TMEM273: variants seen among roughly 807,000 people sequenced by gnomAD.
TMEM273 encodes transmembrane protein 273.
A neutral mutation model predicts 17.9 loss-of-function variants in TMEM273; 19 were observed. The ratio of observed to expected loss-of-function variants is 1.06; its 90% CI spans 0.74 to 1.55. The LOEUF is 1.55. TMEM273 is among the 40% of genes most tolerant of loss of function. The pLI is 0.00. For synonymous variants in TMEM273, 66 were observed against 62.0 expected, an observed-to-expected ratio of 1.07 and a Z score of -0.31; for missense variants, 194 against 155.6, an observed-to-expected ratio of 1.25 and a Z score of -1.31.
intron 5 of TMEM273, among the ~76,000 whole-genome samples, chr10:49,164,896 G>C (rs1042833293): frequency 6.6e-5 from 10 of 152,060 alleles, no homozygotes; most frequent in Non-Finnish European, 1.3e-4. Context: ...CCTGTAGACT[G>C]GGGGAGATTG....
intron 5 of TMEM273, among the ~76,000 whole-genome samples, 184 bp downstream of exon 5, chr10:49,165,021 G>A (rs1372822685): frequency 6.6e-6 from 1 of 152,186 alleles, no homozygotes; most frequent in Non-Finnish European, 1.5e-5. Context: ...ACTGTGCTAA[G>A]TGCTGTGCTA....
intron 1 of TMEM273, among the ~76,000 whole-genome samples, chr10:49,177,646 G>A (rs1222720947): frequency 6.6e-6 from 1 of 152,214 alleles, no homozygotes. Context: ...CATGGAGGGT[G>A]AACAGTCATT....
At chr10:49,160,144 A>G (rs528123081) in intron 6 of TMEM273, among the ~76,000 whole-genome samples, 6 of 152,370 alleles carry the variant, frequency 3.9e-5, no homozygotes, top group African/African-American at 1.4e-4. Flanking sequence ...ATGAATAGGT[A>G]TAAAATCATT....
chr10:49,178,603 C>G (rs534526266), intron 1 of TMEM273, among the ~76,000 whole-genome samples: 1 of 152,158 alleles, frequency 6.6e-6, no homozygotes, highest in East Asian at 1.9e-4. Flanking sequence ...ATAGTAAACA[C>G]TTTAGTACTT....
intron 1 of TMEM273, 29 bp downstream of exon 1, chr10:49,188,265 G>A (rs202214848): frequency 1.1e-4 from 172 of 1,613,464 alleles, no homozygotes; most frequent in Non-Finnish European, 1.5e-5. Flanking sequence ...GGCTCCCCCG[G>A]GCCAGAGACC....
intron 1 of TMEM273, among the ~76,000 whole-genome samples, chr10:49,171,287 C>T (rs1035282425): frequency 6.6e-6 from 1 of 151,486 alleles, no homozygotes; most frequent in African/African-American, 2.4e-5. Context: ...TGACCACCTC[C>T]CTTGAACTGT....
intron 6 of TMEM273, 107 bp from the exon 7 acceptor site, chr10:49,156,016 T>A: frequency 1.3e-6 from 2 of 1,599,754 alleles, no homozygotes; most frequent in East Asian, 2.2e-5. Context: ...TAAAAGCTCA[T>A]CAGCAAAGCC....
intron 1 of TMEM273, 94 bp from the exon 2 acceptor site, chr10:49,168,056 T>G: frequency 6.7e-7 from 1 of 1,481,698 alleles, no homozygotes; most frequent in Non-Finnish European, 9.4e-7. Context: ...CTACCCCATG[T>G]ACCCACCAGG....
At chr10:49,172,679 C>G (rs953397882) in intron 1 of TMEM273, among the ~76,000 whole-genome samples, 2 of 152,232 alleles carry the variant, frequency 1.3e-5, no homozygotes, top group African/African-American at 4.8e-5. Context: ...TTGGACCAGA[C>G]ACAGCACGGC....
rs574582575 is a variant in TMEM273 at position 49,159,226 on chromosome 10, T to C, written c.372+2373A>G. ...GATTAAAACAGGAAATAGTAAAATA[T>C]AATACACACTAAAACAAGTGTTTCT... is the stretch of plus-strand genomic sequence containing the variant. On this transcript the variant is annotated intron_variant, in intron 6 of 6. Coordinates refer to ENST00000374153, the MANE Select transcript of TMEM273 (RefSeq NM_001288740.3). 2.4e-4 allele frequency among the ~76,000 whole-genome samples: 37 copies of C among 152,228 alleles called. 1 individual carries two copies. The South Asian group carries it at 7.5e-3, about 31-fold the overall frequency.
At chr10:49,183,377 G>GTGTGTT (rs386371319) in intron 1 of TMEM273, among the ~76,000 whole-genome samples, 1 of 151,512 alleles carries the variant, frequency 6.6e-6, no homozygotes, top group East Asian at 1.9e-4. Context: ...GTGTGTGTGT[G>GTGTGTT]TATAGAGAGA....
intron 1 of TMEM273, among the ~76,000 whole-genome samples, chr10:49,172,720 G>T (rs1846659045): frequency 6.6e-6 from 1 of 152,206 alleles, no homozygotes. Context: ...TGCACACAGA[G>T]CATGGCTGGG....
intron 1 of TMEM273, among the ~76,000 whole-genome samples, chr10:49,173,957 C>T (rs923561530): frequency 9.9e-5 from 15 of 152,172 alleles, no homozygotes; most frequent in Non-Finnish European, 1.9e-4. Flanking sequence ...GCCCAGCTGG[C>T]ACACACTTTT....
chr10:49,181,017 G>A (rs934446074), intron 1 of TMEM273, among the ~76,000 whole-genome samples: 4 of 152,168 alleles, frequency 2.6e-5, no homozygotes, highest in Admixed American at 2.0e-4. Flanking sequence ...AGAAAATCTC[G>A]AGAGATCTGA....
In TMEM273 at chr10:49,158,287, A is replaced by G. The variant is rs565827176; in HGVS notation, c.373-2378T>C. 1.1e-4 allele frequency among the ~76,000 whole-genome samples: 17 copies of G among 151,990 alleles called. No individual in the cohort carries two copies. In the South Asian group the frequency reaches 2.9e-3, roughly 26 times the overall value. ...AATATAATGCAACCCCAATTTAAAT[A>G]CCAGGATGTTTGCTTCTTTTTTTTT... On this transcript the variant is annotated intron_variant, in intron 6 of 6. Transcript: ENST00000374153.
intron 1 of TMEM273, chr10:49,178,272 G>T (rs1261435104): frequency 6.6e-6 from 3 of 457,182 alleles, no homozygotes; most frequent in Non-Finnish European, 8.8e-6. Flanking sequence ...CTCTTCTTAG[G>T]ATGGCACGCC....
intron 6 of TMEM273, among the ~76,000 whole-genome samples, chr10:49,160,064 G>T (rs1845747221): frequency 6.6e-6 from 1 of 152,180 alleles, no homozygotes; most frequent in Non-Finnish European, 1.5e-5. Context: ...ATTAAATATA[G>T]AAGAAATGCT....
chr10:49,164,967 T>C (rs113890897), intron 5 of TMEM273, among the ~76,000 whole-genome samples: 68 of 152,274 alleles, frequency 4.5e-4, no homozygotes, highest in African/African-American at 1.5e-3. Flanking sequence ...CAGTTATTTA[T>C]TCATTCATTC....
At chr10:49,184,598 A>G (rs1390345315) in intron 1 of TMEM273, among the ~76,000 whole-genome samples, 4 of 152,256 alleles carry the variant, frequency 2.6e-5, no homozygotes, top group Admixed American at 2.6e-4. Context: ...ATAAAATTTT[A>G]TACCTCTCTA....
Sources: allele counts gnomAD v4.1 joint callset (sites outside exome capture counted in the v4.1 genomes callset), GRCh38; gene constraint gnomAD v4.1.1; transcripts MANE v1.5; gene names NCBI Gene and HGNC (gene_info 2026-07-23, HGNC 2026-07-21).